Variants in TBCK observed in about 807,000 individuals in gnomAD.
TBCK encodes TBC1 domain containing kinase, also known as TBC domain-containing protein kinase-like protein.
In TBCK, 99 loss-of-function variants were observed where a neutral mutation model predicts 113.4. The ratio of observed to expected loss-of-function variants is 0.87; its 90% CI spans 0.74 to 1.03. TBCK has a LOEUF of 1.03. Ranked by LOEUF, TBCK falls within the 50% of genes least tolerant of loss-of-function variation. The pLI is 0.00. For synonymous variants in TBCK, 369 were observed against 370.8 expected (o/e 1.00, Z 0.05); for missense variants, 1,045 against 1,061.3 (o/e 0.98, Z 0.21).
chr4:106,315,172 G>C (rs182627575), intron 1 of TBCK, among the ~76,000 whole-genome samples: 246 of 151,648 alleles, frequency 1.6e-3, no homozygotes, highest in Non-Finnish European at 2.7e-3. Flanking sequence ...TTAGATGAGG[G>C]AAACAGCAGT....
intron 20 of TBCK, among the ~76,000 whole-genome samples, chr4:106,199,177 A>G (rs961536043): frequency 3.3e-5 from 5 of 152,110 alleles, no homozygotes; most frequent in African/African-American, 1.2e-4. Context: ...AACTGTTCTT[A>G]CCTTGGTCAT....
intron 3 of TBCK, 113 bp from the exon 4 acceptor site, chr4:106,262,325 C>T (rs1005852391): frequency 5.5e-6 from 3 of 544,316 alleles, no homozygotes; most frequent in African/African-American, 3.9e-5. Context: ...TTTATTGCTC[C>T]TCTTTTATTC....
At chr4:106,175,291 T>C (rs1560763944) in intron 22 of TBCK, among the ~76,000 whole-genome samples, 2 of 151,974 alleles carry the variant, frequency 1.3e-5, no homozygotes, top group African/African-American at 2.4e-5. Flanking sequence ...AATTGGAAGC[T>C]TTCCTCAGAG....
chr4:106,141,975 C>T (rs1415466500), intron 23 of TBCK, among the ~76,000 whole-genome samples: 2 of 139,906 alleles, frequency 1.4e-5, no homozygotes, highest in Non-Finnish European at 3.2e-5. Context: ...TCATTTTAAC[C>T]GAAAAAAGGA....
At chr4:106,060,986 C>T (rs1371304227) in intron 25 of TBCK, among the ~76,000 whole-genome samples, 2 of 151,690 alleles carry the variant, frequency 1.3e-5, no homozygotes, top group African/African-American at 4.8e-5. Context: ...TGTGGCTGAA[C>T]TGCTGCAATC....
chr4:106,281,014 T>C (rs1160845431), intron 3 of TBCK, among the ~76,000 whole-genome samples: 3 of 152,114 alleles, frequency 2.0e-5, no homozygotes, highest in Admixed American at 2.0e-4. Context: ...TTGCTTTGGG[T>C]AGTATGAACA....
chr4:106,064,546 T>C (rs1736411852), intron 25 of TBCK, among the ~76,000 whole-genome samples: 2 of 151,828 alleles, frequency 1.3e-5, no homozygotes, highest in African/African-American at 4.8e-5. Flanking sequence ...GTCTCTAATA[T>C]TTTCTGAAAA....
chr4:106,124,503 A>T (rs1372725487), intron 23 of TBCK, among the ~76,000 whole-genome samples: 1 of 152,196 alleles, frequency 6.6e-6, no homozygotes, highest in Non-Finnish European at 1.5e-5. Context: ...ATTACTGGGT[A>T]TATACCCAAA....
chr4:106,049,343 C>T (rs545773021), intron 25 of TBCK, among the ~76,000 whole-genome samples: 3 of 151,882 alleles, frequency 2.0e-5, no homozygotes, highest in Non-Finnish European at 2.9e-5. Flanking sequence ...GATAATAAGC[C>T]GAGTTTCTGA....
intron 24 of TBCK, among the ~76,000 whole-genome samples, chr4:106,112,884 A>T (rs1277836106): frequency 6.6e-6 from 1 of 152,170 alleles, no homozygotes; most frequent in Non-Finnish European, 1.5e-5. Flanking sequence ...TTACCCAGAG[A>T]CTAGCTAAAC....
At chr4:106,082,761 G>A (rs185284331) in intron 25 of TBCK, among the ~76,000 whole-genome samples, 42 of 152,176 alleles carry the variant, frequency 2.8e-4, no homozygotes, top group Admixed American at 2.7e-3. Flanking sequence ...TGGCAACCAA[G>A]GTATCCAGGT....
chr4:106,264,015 T>C (rs1420549394), intron 3 of TBCK, among the ~76,000 whole-genome samples: 4 of 152,048 alleles, frequency 2.6e-5, no homozygotes, highest in Admixed American at 1.3e-4. Flanking sequence ...TAGTTTTCAA[T>C]TCTGGTGGTA....
chr4:106,230,554 A>C (rs1397146158), intron 18 of TBCK, 108 bp from the exon 19 acceptor site: 1 of 497,530 alleles, frequency 2.0e-6, no homozygotes, highest in Non-Finnish European at 3.5e-6. Flanking sequence ...ATTAAATAAC[A>C]GTTATGATAG....
At chr4:106,149,077 C>A (rs1748173844) in intron 23 of TBCK, among the ~76,000 whole-genome samples, 1 of 152,194 alleles carries the variant, frequency 6.6e-6, no homozygotes, top group African/African-American at 2.4e-5. Context: ...TAGCTTCCAA[C>A]TTTTCTTCTG....
chr4:106,092,917 C>T (rs903640820), intron 25 of TBCK, among the ~76,000 whole-genome samples: 4 of 152,280 alleles, frequency 2.6e-5, no homozygotes, highest in East Asian at 3.9e-4. Flanking sequence ...CAAGAGTGAG[C>T]GAGGGCTGCA....
chr4:106,093,546 C>T (rs1740562480), intron 25 of TBCK, among the ~76,000 whole-genome samples: 1 of 152,150 alleles, frequency 6.6e-6, no homozygotes, highest in Non-Finnish European at 1.5e-5. Context: ...GCTATCAGTC[C>T]TGTACTTCTG....
intron 23 of TBCK, among the ~76,000 whole-genome samples, chr4:106,120,859 A>T (rs1011781194): frequency 1.3e-5 from 2 of 152,062 alleles, no homozygotes; most frequent in African/African-American, 2.4e-5. Context: ...AACCACAAAG[A>T]TGGGAAAAAA....
chr4:106,214,789 C>G (rs1756654549), intron 19 of TBCK, among the ~76,000 whole-genome samples: 1 of 151,826 alleles, frequency 6.6e-6, no homozygotes, highest in South Asian at 2.1e-4. Flanking sequence ...GGAAAACACT[C>G]TGCAGGATAT....
At position 106,214,115 on chromosome 4, in the gene TBCK, C is replaced by T. The variant is rs74637499; in HGVS notation, c.1775-1280G>A. On this transcript the variant is annotated intron_variant, in intron 19 of 25. Transcript: ENST00000394708. Reference sequence around the variant, plus strand: ...ACCCTCCAGCAGGGGCACACTGACACCTCACACGGCAGGGTACTCCAACAG... The same window carrying T: ...ACCCTCCAGCAGGGGCACACTGACATCTCACACGGCAGGGTACTCCAACAG... Among the ~76,000 whole-genome samples the T allele has an allele frequency of 6.6e-5, 10 of 152,288 alleles. No individual in the cohort carries two copies. In the South Asian group the frequency reaches 1.9e-3, roughly 28 times the overall value.
Sources: gnomAD v4.1 joint callset for allele counts (sites outside exome capture counted in the v4.1 genomes callset) on GRCh38, gnomAD v4.1.1 for gene constraint, MANE v1.5 for transcripts, NCBI Gene and HGNC (gene_info 2026-07-23, HGNC 2026-07-21) for gene names.